The following COMMD1 variants were observed in gnomAD, a reference collection of about 807,000 sequenced individuals.
COMMD1 encodes the protein copper metabolism domain containing 1, also known as COMM domain-containing protein 1.
A neutral mutation model predicts 17.2 loss-of-function variants in COMMD1; 10 were observed. The ratio of observed to expected loss-of-function variants is 0.58; its 90% CI spans 0.36 to 0.99. COMMD1 has a LOEUF of 0.99. Among genes scored for constraint, COMMD1 ranks in the 50% least tolerant of loss-of-function variants. COMMD1 has a pLI of 0.01. For missense variants in COMMD1, 270 were observed against 231.8 expected, an observed-to-expected ratio of 1.17 and a Z score of -1.07; for synonymous variants, 97 against 91.6, an observed-to-expected ratio of 1.06 and a Z score of -0.34.
chr2:62,127,106 T>C (rs1259824150), intron 2 of COMMD1, among the ~76,000 whole-genome samples: 1 of 152,088 alleles, frequency 6.6e-6, no homozygotes, highest in African/African-American at 2.4e-5. Flanking sequence ...AGCCAAGTCA[T>C]GAATGAACTC....
At chr2:61,978,083 G>C (rs1251866421) in intron 1 of COMMD1, among the ~76,000 whole-genome samples, 7 of 151,972 alleles carry the variant, frequency 4.6e-5, no homozygotes, top group Non-Finnish European at 1.0e-4. Flanking sequence ...ATCACTTGAG[G>C]CCAGGAGTTT....
At chr2:61,927,453 C>T (rs1013490753) in intron 1 of COMMD1, among the ~76,000 whole-genome samples, 16 of 151,916 alleles carry the variant, frequency 1.1e-4, no homozygotes, top group South Asian at 2.1e-4. Flanking sequence ...AGTGCAGTGG[C>T]GCGATGTCAG....
intron 1 of COMMD1, among the ~76,000 whole-genome samples, chr2:61,892,163 A>C (rs1669448429): frequency 6.6e-6 from 1 of 151,962 alleles, no homozygotes; most frequent in African/African-American, 2.4e-5. Context: ...ACTTTCCAAA[A>C]CAAAACAAAA....
At chr2:62,053,400 C>T (rs558663018) in intron 2 of COMMD1, among the ~76,000 whole-genome samples, 3 of 151,980 alleles carry the variant, frequency 2.0e-5, no homozygotes, top group African/African-American at 7.2e-5. Flanking sequence ...AAAAATAGGG[C>T]AATACTTCCA....
At chr2:62,096,571 A>G (rs1672015817) in intron 2 of COMMD1, among the ~76,000 whole-genome samples, 1 of 151,848 alleles carries the variant, frequency 6.6e-6, no homozygotes, top group African/African-American at 2.4e-5. Flanking sequence ...TCTGTTTTAG[A>G]TTTTTATATA....
intron 2 of COMMD1, among the ~76,000 whole-genome samples, chr2:62,059,098 T>C (rs1421876453): frequency 6.6e-6 from 1 of 152,176 alleles, no homozygotes; most frequent in African/African-American, 2.4e-5. Context: ...TTCTTAAGGT[T>C]GAAGCTTTAT....
chr2:61,911,460 GCAAAACT>G (rs1205246832), intron 1 of COMMD1, among the ~76,000 whole-genome samples: 1 of 152,130 alleles, frequency 6.6e-6, no homozygotes, highest in African/African-American at 2.4e-5. Flanking sequence ...TGGGCAATGA[GCAAAACT>G]CTGTTATTTA....
At chr2:61,936,189 G>C (rs778292889) in intron 1 of COMMD1, among the ~76,000 whole-genome samples, 89 of 152,100 alleles carry the variant, frequency 5.9e-4, no homozygotes, top group Non-Finnish European at 8.2e-4. Context: ...ACCTATTAGC[G>C]TCTCTGGTAG....
chr2:61,916,881 G>A (rs1478921275), intron 1 of COMMD1, among the ~76,000 whole-genome samples: 2 of 152,106 alleles, frequency 1.3e-5, no homozygotes, highest in African/African-American at 4.8e-5. Context: ...ACATTTTGGG[G>A]TATGATGTAA....
chr2:62,042,960 C>G (rs1306579593), intron 2 of COMMD1, among the ~76,000 whole-genome samples: 1 of 152,216 alleles, frequency 6.6e-6, no homozygotes, highest in African/African-American at 2.4e-5. Flanking sequence ...ATACTTCAAA[C>G]CTATTTTTTC....
intron 2 of COMMD1, among the ~76,000 whole-genome samples, chr2:62,029,736 G>T (rs1669863145): frequency 2.0e-5 from 3 of 152,186 alleles, no homozygotes; most frequent in African/African-American, 4.8e-5. Context: ...TGTATTTCCT[G>T]TTAGACCTAG....
At chr2:61,978,875 A>T (rs1348208854) in intron 1 of COMMD1, among the ~76,000 whole-genome samples, 5 of 152,224 alleles carry the variant, frequency 3.3e-5, no homozygotes, top group Non-Finnish European at 7.3e-5. Flanking sequence ...GTGGATGGAT[A>T]TTTTGATATA....
At chr2:62,105,759 G>T (rs1001666371) in intron 2 of COMMD1, among the ~76,000 whole-genome samples, 3 of 152,062 alleles carry the variant, frequency 2.0e-5, no homozygotes. Context: ...GGAGGCAGAG[G>T]TTGCATTGAG....
intron 1 of COMMD1, among the ~76,000 whole-genome samples, chr2:61,997,365 A>G (rs1668795849): frequency 1.3e-5 from 2 of 148,906 alleles, no homozygotes; most frequent in African/African-American, 5.2e-5. Flanking sequence ...CTGGTCACAA[A>G]ATGTATTTCT....
rs75363668 is a variant in COMMD1, at chr2:62,029,851, C to T, written c.462+28869C>T. Among the ~76,000 whole-genome samples, 442 of 152,308 alleles carry T rather than the reference C, an allele frequency of 2.9e-3. 4 individuals carry two copies. Among genetic ancestry groups the T allele is most frequent in the African/African-American group, 0.01 (425 of 41,570 alleles). On this transcript the variant is annotated intron_variant, in intron 2 of 2. Coordinates refer to ENST00000311832, the MANE Select transcript of COMMD1 (RefSeq NM_152516.4). Reference sequence around the variant, plus strand: ...CAGAATGTGTGGGAGCCAAGCCCTTCGGCCCCAGTGGTTTGCTGAAAAATT... The same window carrying T: ...CAGAATGTGTGGGAGCCAAGCCCTTTGGCCCCAGTGGTTTGCTGAAAAATT...
intron 1 of COMMD1, among the ~76,000 whole-genome samples, chr2:61,916,371 C>G (rs769233301): frequency 4.6e-5 from 7 of 152,146 alleles, no homozygotes; most frequent in Non-Finnish European, 8.8e-5. Context: ...CCTTTTCTTT[C>G]TTTCAGACAC....
At chr2:61,935,902 C>G (rs2103621823) in intron 1 of COMMD1, among the ~76,000 whole-genome samples, 1 of 152,030 alleles carries the variant, frequency 6.6e-6, no homozygotes, top group South Asian at 2.1e-4. Context: ...CTGCAACTTC[C>G]TCCTCCAGGG....
intron 1 of COMMD1, among the ~76,000 whole-genome samples, chr2:61,970,351 T>A (rs1037037105): frequency 2.6e-5 from 4 of 152,068 alleles, no homozygotes; most frequent in African/African-American, 9.7e-5. Flanking sequence ...GGATATACAG[T>A]TGTCCCTTGG....
At chr2:62,075,297 C>A (rs1414158756) in intron 2 of COMMD1, among the ~76,000 whole-genome samples, 1 of 152,140 alleles carries the variant, frequency 6.6e-6, no homozygotes, top group African/African-American at 2.4e-5. Context: ...AAAAACATCA[C>A]TGGGCCTGTG....
Sources: allele counts gnomAD v4.1 joint callset (sites outside exome capture counted in the v4.1 genomes callset), GRCh38; gene constraint gnomAD v4.1.1; transcripts MANE v1.5; gene names NCBI Gene and HGNC (gene_info 2026-07-23, HGNC 2026-07-21).